Variants in TPST2 observed in about 807,000 individuals in gnomAD.
The protein encoded by TPST2 is tyrosylprotein sulfotransferase 2, also known as protein-tyrosine sulfotransferase 2.
TPST2 carries 16 observed loss-of-function variants against 27.8 expected under a neutral mutation model. The ratio of observed to expected loss-of-function variants is 0.58; its 90% CI spans 0.39 to 0.88. The LOEUF (loss-of-function observed/expected upper bound fraction) is 0.88. Among genes scored for constraint, TPST2 ranks in the 40% least tolerant of loss-of-function variants. The pLI is 0.00. For synonymous variants in TPST2, 229 were observed against 231.7 expected (o/e 0.99, Z 0.10); for missense variants, 464 against 543.1 (o/e 0.85, Z 1.45).
Position 26,541,886 on chromosome 22 carries a change from A to T in TPST2, c.-88-168T>A, listed in dbSNP as rs975038603. Among the ~76,000 whole-genome samples, 10 of 151,844 alleles carry T rather than the reference A, an allele frequency of 6.6e-5. No homozygotes were observed. Among genetic ancestry groups the T allele is most frequent in the African/African-American group, 1.4e-4 (6 of 41,386 alleles). ...GGCACCCTGCTGGGCACTTTTTTCA[A>T]TTTTTTTTGTTTTTTTAAAGAGATG... On this transcript the variant is annotated intron_variant, in intron 2 of 6. Transcript: ENST00000338754. The surrounding 1 kb of genome is among the most constrained non-coding windows in gnomAD (Gnocchi z 5.9).
intron 1 of TPST2, among the ~76,000 whole-genome samples, chr22:26,551,933 G>A (rs1926506482): frequency 7.4e-6 from 1 of 135,822 alleles, no homozygotes; most frequent in African/African-American, 2.7e-5. Flanking sequence ...CTGTTGCTCA[G>A]GCTAGAATAC....
At chr22:26,548,206 G>A (rs1040154845) in intron 1 of TPST2, among the ~76,000 whole-genome samples, 4 of 152,194 alleles carry the variant, frequency 2.6e-5, no homozygotes, top group African/African-American at 9.7e-5. Context: ...GTGGGGCATG[G>A]TGGTTTACAC....
chr22:26,560,687 T>C lies in TPST2; in HGVS notation c.-160-16012A>G, dbSNP rs956288311. ...CAGAGAGGTGGAAGACCATGTCTGC[T>C]AAAGAGAAAGGAAAATTTGAAGATA... On this transcript the variant is annotated intron_variant, in intron 1 of 6. Transcript: ENST00000338754. 7 of 1,133,980 alleles carry C rather than the reference T, an allele frequency of 6.2e-6. No individual in the cohort carries two copies. In the African/African-American group the frequency reaches 9.1e-5, roughly 15 times the overall value. 70.2% of individuals were successfully genotyped at this position (1,133,980 alleles called of 1,614,324 possible).
intron 5 of TPST2, among the ~76,000 whole-genome samples, chr22:26,529,283 C>A (rs554672484): frequency 1.7e-4 from 26 of 152,268 alleles, no homozygotes; most frequent in Non-Finnish European, 2.9e-4. Flanking sequence ...TGTGCCACCA[C>A]GAATGGCTAA....
At chr22:26,547,151 G>A (rs1434996724) in intron 1 of TPST2, among the ~76,000 whole-genome samples, 2 of 152,116 alleles carry the variant, frequency 1.3e-5, no homozygotes, top group African/African-American at 2.4e-5. Flanking sequence ...GCAGTGGCAT[G>A]ATCTTCGTTC....
At chr22:26,537,109 C>G (rs918194576) in intron 3 of TPST2, among the ~76,000 whole-genome samples, 2 of 152,138 alleles carry the variant, frequency 1.3e-5, no homozygotes, top group African/African-American at 4.8e-5. Flanking sequence ...TATTTTGTCC[C>G]TAAAAAAAGT....
At chr22:26,550,549 GC>G in intron 1 of TPST2, 1 of 982,546 alleles carries the variant, frequency 1.0e-6, no homozygotes, top group Non-Finnish European at 1.2e-6. Flanking sequence ...ACAGCGGGGA[GC>G]TGGCAGTGCA....
intron 1 of TPST2, among the ~76,000 whole-genome samples, chr22:26,581,054 G>GCA (rs1029527012): frequency 4.1e-4 from 19 of 46,768 alleles, no homozygotes; most frequent in South Asian, 1.0e-3. Flanking sequence ...ACACACACAC[G>GCA]CACACACACA....
intron 1 of TPST2, among the ~76,000 whole-genome samples, chr22:26,547,127 G>A (rs1926170004): frequency 6.6e-6 from 1 of 152,064 alleles, no homozygotes; most frequent in African/African-American, 2.4e-5. Flanking sequence ...ACTCTGTCCA[G>A]CCCAGGCTGG....
In TPST2 at chr22:26,524,760, G is replaced by A. The variant is rs966153320; in HGVS notation, c.*1515C>T. On this transcript the variant is annotated 3_prime_UTR_variant, in exon 7 of 7. Transcript: ENST00000338754. ...CCCAGTTGGTCCCTCAGCATTTGGG[G>A]ACTGTGCTATAAGGGTTAACTCAGC... 1 of 152,200 alleles carries A rather than the reference G, an allele frequency of 6.6e-6. No individual in the cohort carries two copies. The highest frequency in any genetic ancestry group is 1.5e-5 in the Non-Finnish European group (1 of 68,040). The allele number at this position is 152,200 out of a possible 1,614,324, so 9.4% of individuals were successfully genotyped here. A position where few individuals can be genotyped will look rare whatever the true frequency, so the allele number is the denominator to read the frequency against.
chr22:26,546,297 AC>A (rs928442745), intron 1 of TPST2, among the ~76,000 whole-genome samples: 2 of 151,492 alleles, frequency 1.3e-5, no homozygotes, highest in Non-Finnish European at 1.5e-5. Flanking sequence ...CAGCAACTAG[AC>A]CCCCCCACAG....
chr22:26,576,074 C>A (rs1183992686), intron 1 of TPST2, among the ~76,000 whole-genome samples: 2 of 151,822 alleles, frequency 1.3e-5, no homozygotes, highest in African/African-American at 4.8e-5. Flanking sequence ...AAAGGACACA[C>A]AAAAAAATTT....
intron 1 of TPST2, among the ~76,000 whole-genome samples, chr22:26,577,903 C>T (rs1020510595): frequency 1.3e-5 from 2 of 151,916 alleles, no homozygotes; most frequent in African/African-American, 4.8e-5. Context: ...AGGAGGAGGT[C>T]TAGACCTCCT....
chr22:26,549,986 G>A (rs1320537388), intron 1 of TPST2, among the ~76,000 whole-genome samples: 1 of 150,602 alleles, frequency 6.6e-6, no homozygotes, highest in African/African-American at 2.4e-5. Context: ...GTTGCAGTGA[G>A]CCGAGATCAT....
chr22:26,568,899 T>TGTCTC (rs1421512603), intron 1 of TPST2, among the ~76,000 whole-genome samples: 1 of 138,898 alleles, frequency 7.2e-6, no homozygotes, highest in East Asian at 2.1e-4. Context: ...GATCTCGCTC[T>TGTCTC]GTCTCCCAGG....
intron 1 of TPST2, among the ~76,000 whole-genome samples, chr22:26,577,523 AT>A: frequency 6.7e-6 from 1 of 148,182 alleles, no homozygotes; most frequent in East Asian, 2.0e-4. Flanking sequence ...AATTTTTTGT[AT>A]TTTTTTAGTA....
At chr22:26,531,386 A>G (rs1445200942) in intron 5 of TPST2, among the ~76,000 whole-genome samples, 2 of 152,234 alleles carry the variant, frequency 1.3e-5, no homozygotes, top group Non-Finnish European at 2.9e-5. Context: ...AGAAAGCAAA[A>G]CAAGGCAGTT....
intron 1 of TPST2, among the ~76,000 whole-genome samples, chr22:26,558,160 CACACACAT>C (rs944265109): frequency 2.9e-4 from 21 of 72,146 alleles, no homozygotes; most frequent in Non-Finnish European, 5.3e-4. Flanking sequence ...CACACACACA[CACACACAT>C]ATATATGTCG....
chr22:26,578,776 G>A (rs2267097), intron 1 of TPST2, among the ~76,000 whole-genome samples: 21,911 of 151,770 alleles, frequency 0.14, 1,833 homozygotes, highest in East Asian at 0.31. Flanking sequence ...GCATGATCCA[G>A]AACAAGTTAC....
Sources: gnomAD v4.1 joint callset for allele counts (sites outside exome capture counted in the v4.1 genomes callset) on GRCh38, gnomAD v4.1.1 for gene constraint, Gnocchi (gnomAD v3.1) non-coding constraint, MANE v1.5 for transcripts, NCBI Gene and HGNC (gene_info 2026-07-23, HGNC 2026-07-21) for gene names.